Variants in TPST2 observed in about 807,000 individuals in gnomAD.
The protein encoded by TPST2 is protein-tyrosine sulfotransferase 2.
A neutral mutation model predicts 27.8 loss-of-function variants in TPST2; 16 were observed. The ratio of observed to expected loss-of-function variants is 0.58; its 90% CI spans 0.39 to 0.88. The LOEUF (loss-of-function observed/expected upper bound fraction) is 0.88, where lower values mean the gene tolerates loss of function less well. TPST2 is among the 40% of genes least tolerant of loss of function. The pLI is 0.00. For synonymous variants in TPST2, 229 were observed against 231.7 expected (o/e 0.99, Z 0.10); for missense variants, 464 against 543.1 (o/e 0.85, Z 1.45).
chr22:26,537,498 G>C (rs985455353), intron 3 of TPST2, among the ~76,000 whole-genome samples: 3 of 152,128 alleles, frequency 2.0e-5, no homozygotes, highest in Admixed American at 6.5e-5. Flanking sequence ...TGTTGCCCAG[G>C]CTGGAGTGCA....
At chr22:26,571,602 G>C (rs1430967174) in intron 1 of TPST2, among the ~76,000 whole-genome samples, 1 of 152,034 alleles carries the variant, frequency 6.6e-6, no homozygotes, top group African/African-American at 2.4e-5. Context: ...CTTCTCCTAA[G>C]GCCACAGAAT....
At chr22:26,533,673 AT>A (rs35595330) in intron 4 of TPST2, among the ~76,000 whole-genome samples, 126 of 147,366 alleles carry the variant, frequency 8.6e-4, no homozygotes, top group East Asian at 2.0e-3. Flanking sequence ...GATATAGCTA[AT>A]TTTTTTTTTT....
intron 1 of TPST2, among the ~76,000 whole-genome samples, chr22:26,557,856 G>C (rs1204544311): frequency 6.7e-6 from 1 of 150,054 alleles, no homozygotes; most frequent in South Asian, 2.1e-4. Flanking sequence ...AGACCAGCCT[G>C]GGCAATGTAG....
chr22:26,550,538 A>G lies in TPST2; in HGVS notation c.-160-5863T>C, dbSNP rs373008006. The G allele has an allele frequency of 2.0e-4, 192 of 973,672 alleles. No homozygotes were observed. In the African/African-American group the frequency reaches 2.8e-3, roughly 14 times the overall value. The allele number at this position is 973,672 out of a possible 1,614,324, so 60.3% of individuals were successfully genotyped here. A position where few individuals can be genotyped will look rare whatever the true frequency, so the allele number is the denominator to read the frequency against. On this transcript the variant is annotated intron_variant, in intron 1 of 6. Transcript: ENST00000338754. ...AGCGGCAGGGGGGCAGGGAGGGGAC[A>G]ACAGCGGGGAGCTGGCAGTGCACAA...
chr22:26,528,624 A>G (rs1017981122), intron 5 of TPST2, among the ~76,000 whole-genome samples: 14 of 152,306 alleles, frequency 9.2e-5, no homozygotes, highest in African/African-American at 3.1e-4. Flanking sequence ...ATAATAATAA[A>G]TATTTGTTCA....
In TPST2 at chr22:26,536,453, A is replaced by T. The variant is rs896108002; in HGVS notation, c.876T>A (p.Pro292=). Residue 292 remains proline, a synonymous_variant, in exon 4 of 7, where the codon CCT becomes CCA. Transcript: ENST00000338754. ...IERSTDQVIK[P]VNLEALSKWT... is the part of the protein sequence containing the mutation. The stretch of plus-strand genomic sequence containing the variant: ...ACTTGGAGAGCGCTTCCAGGTTAAC[A>T]GGCTTGATGACCTGGTCCGTGGACC... The T allele has an allele frequency of 6.4e-7, 1 of 1,550,812 alleles. No homozygotes were observed. The highest frequency in any genetic ancestry group is 8.7e-7 in the Non-Finnish European group (1 of 1,147,684).
At chr22:26,555,222 C>T (rs368755594) in intron 1 of TPST2, 39 of 533,352 alleles carry the variant, frequency 7.3e-5, no homozygotes, top group Admixed American at 2.9e-4. Context: ...CTGAACTCAG[C>T]GTTCTAGTAG....
chr22:26,529,409 C>G (rs1315176117), intron 5 of TPST2, among the ~76,000 whole-genome samples: 1 of 152,226 alleles, frequency 6.6e-6, no homozygotes, highest in Non-Finnish European at 1.5e-5. Context: ...GGATTACAGG[C>G]ATGAGCCACC....
At chr22:26,555,147 G>A (rs182699388) in intron 1 of TPST2, 26 of 532,130 alleles carry the variant, frequency 4.9e-5, no homozygotes, top group African/African-American at 4.4e-4. Flanking sequence ...ACGTGGAGCT[G>A]AGGGAATTTG....
At chr22:26,557,838 G>C (rs1397905624) in intron 1 of TPST2, among the ~76,000 whole-genome samples, 2 of 149,996 alleles carry the variant, frequency 1.3e-5, no homozygotes, top group African/African-American at 4.9e-5. Flanking sequence ...CTTGAGCTCT[G>C]GAGTTCAAGA....
chr22:26,528,642 C>T (rs1924974147), intron 5 of TPST2, among the ~76,000 whole-genome samples: 1 of 152,164 alleles, frequency 6.6e-6, no homozygotes, highest in Non-Finnish European at 1.5e-5. Context: ...TCATTGTCCC[C>T]AGTTCCTGGC....
chr22:26,579,712 T>A (rs1928015160), intron 1 of TPST2, among the ~76,000 whole-genome samples: 1 of 151,712 alleles, frequency 6.6e-6, no homozygotes, highest in Non-Finnish European at 1.5e-5. Flanking sequence ...CTGTGTGGGC[T>A]TGGGGTCGGC....
At chr22:26,554,652 A>G (rs1926686557) in intron 1 of TPST2, among the ~76,000 whole-genome samples, 1 of 152,210 alleles carries the variant, frequency 6.6e-6, no homozygotes, top group Admixed American at 6.5e-5. Context: ...TGAAGACTAA[A>G]TAAATAAACT....
intron 1 of TPST2, among the ~76,000 whole-genome samples, chr22:26,559,707 G>A (rs780996572): frequency 3.3e-5 from 5 of 152,174 alleles, no homozygotes; most frequent in Admixed American, 6.5e-5. Context: ...AGGTTCATCC[G>A]TTAGTTTTGA....
rs117587815 is a variant in TPST2, at chr22:26,559,965, C to T, written c.-160-15290G>A. 3.4e-3 allele frequency among the ~76,000 whole-genome samples: 518 copies of T among 152,252 alleles called. 14 individuals are homozygous for T. The East Asian group carries it at 0.066, about 19-fold the overall frequency. ...GACCGGGTATAGAAGCATATCATAT[C>T]AATGTATATGTATCATATACATATC... On this transcript the variant is annotated intron_variant, in intron 1 of 6. Coordinates refer to ENST00000338754, the MANE Select transcript of TPST2 (RefSeq NM_003595.5).
At chr22:26,552,167 T>A (rs1398350215) in intron 1 of TPST2, among the ~76,000 whole-genome samples, 1 of 152,150 alleles carries the variant, frequency 6.6e-6, no homozygotes, top group Non-Finnish European at 1.5e-5. Flanking sequence ...CATGGGCCAC[T>A]ACGCCTGGCC....
At chr22:26,530,081 A>G (rs2283827) in intron 5 of TPST2, among the ~76,000 whole-genome samples, 63,987 of 151,944 alleles carry the variant, frequency 0.42, 13,835 homozygotes, top group South Asian at 0.49. Context: ...GGATGAGGAG[A>G]ATTATCCACA....
Position 26,536,365 on chromosome 22 carries a change from G to A in TPST2, c.964C>T (p.Gln322Ter). Residue 322 changes from glutamine (Q) to a stop codon, truncating the protein, a stop_gained, in exon 4 of 7, where the codon CAG (glutamine) becomes TAG (stop). Transcript: ENST00000338754. LOFTEE classifies it high-confidence loss of function. ...DMAQIAPMLA[Q>*]LGYDPYANPP... is the part of the protein sequence containing the mutation. ...TTTGCATAAGGGTCATAGCCGAGCT[G>A]AGCCAGCATGGGGGCGATCTGGGCC... 1 of 1,610,702 alleles carries A rather than the reference G, an allele frequency of 6.2e-7. No individual in the cohort carries two copies. The highest frequency in any genetic ancestry group is 8.5e-7 in the Non-Finnish European group (1 of 1,177,086).
At chr22:26,556,313 C>T (rs541996525) in intron 1 of TPST2, among the ~76,000 whole-genome samples, 7 of 151,982 alleles carry the variant, frequency 4.6e-5, no homozygotes, top group African/African-American at 1.7e-4. Context: ...CCGAGGTGGG[C>T]GGATCACCTG....
Sources: allele counts gnomAD v4.1 joint callset (sites outside exome capture counted in the v4.1 genomes callset), GRCh38; gene constraint gnomAD v4.1.1; transcripts MANE v1.5; gene names NCBI Gene and HGNC (gene_info 2026-07-23, HGNC 2026-07-21).